The following DNAAF4 variants were observed in gnomAD, a reference collection of about 807,000 sequenced individuals.
DNAAF4 encodes dynein assembly factor 4, axonemal.
Under a neutral mutation model 51.8 loss-of-function variants are expected in DNAAF4, and 43 were observed. The observed-to-expected ratio is 0.83, with a 90% CI of 0.65 to 1.07. DNAAF4 has a LOEUF of 1.07. Ranked by LOEUF, DNAAF4 falls within the 50% of genes least tolerant of loss-of-function variation. DNAAF4 has a pLI of 0.00. For synonymous variants in DNAAF4, 194 were observed against 165.6 expected (o/e 1.17, Z -1.32); for missense variants, 581 against 493.0 (o/e 1.18, Z -1.69).
rs1013916616 is a variant in DNAAF4 at position 55,478,900 on chromosome 15, C to T, written c.406-11739G>A. ...AAAATTTTGGTCAAGCCCTGAGTAC[C>T]TTGAAATATCTTCAATGCAACCACC... is the stretch of plus-strand genomic sequence containing the variant. On this transcript the variant is annotated intron_variant, in intron 4 of 9. Coordinates refer to ENST00000321149, the MANE Select transcript of DNAAF4 (RefSeq NM_130810.4). 2.6e-5 allele frequency among the ~76,000 whole-genome samples: 4 copies of T among 152,196 alleles called. No homozygotes were observed. The East Asian group carries it at 7.7e-4, about 29-fold the overall frequency.
intron 4 of DNAAF4, among the ~76,000 whole-genome samples, chr15:55,487,904 T>A (rs1331200095): frequency 6.6e-6 from 1 of 152,206 alleles, no homozygotes; most frequent in Non-Finnish European, 1.5e-5. Context: ...TTTTCCAATC[T>A]TTAAATCTGG....
chr15:55,469,783 C>T (rs1471583709), intron 4 of DNAAF4, among the ~76,000 whole-genome samples: 4 of 151,888 alleles, frequency 2.6e-5, no homozygotes, highest in African/African-American at 9.7e-5. Context: ...AGCCACTGCG[C>T]CCGGCCTATG....
intron 7 of DNAAF4, among the ~76,000 whole-genome samples, chr15:55,423,878 C>T (rs1341037840): frequency 2.6e-5 from 4 of 152,070 alleles, no homozygotes; most frequent in South Asian, 2.1e-4. Context: ...CGCCAGAGGT[C>T]GGGAGTTTTG....
chr15:55,436,853 C>T (rs143975807), intron 7 of DNAAF4, among the ~76,000 whole-genome samples: 165 of 152,022 alleles, frequency 1.1e-3, no homozygotes, highest in African/African-American at 3.7e-3. Flanking sequence ...TGGAGTCTCA[C>T]TCTGTCGCCC....
chr15:55,450,907 G>A (rs1268878487), intron 5 of DNAAF4, among the ~76,000 whole-genome samples: 1 of 152,164 alleles, frequency 6.6e-6, no homozygotes, highest in African/African-American at 2.4e-5. Flanking sequence ...AGACCAGCCT[G>A]GCCAACATGA....
intron 9 of DNAAF4, among the ~76,000 whole-genome samples, chr15:55,431,024 C>T (rs531777054): frequency 6.7e-4 from 102 of 151,740 alleles, no homozygotes; most frequent in Non-Finnish European, 1.2e-3. Context: ...CACCATTCTT[C>T]TGCCTCAGCC....
Position 55,430,380 on chromosome 15 carries a change from C to G in DNAAF4, c.*290G>C. ...TCAGTAAGTGTCCTGGTAACTATAC[C>G]AAAACATATTTTGTTACAAGGGCAA... On this transcript the variant is annotated 3_prime_UTR_variant, in exon 10 of 10. Coordinates refer to ENST00000321149, the MANE Select transcript of DNAAF4 (RefSeq NM_130810.4). 3.0e-6 allele frequency: 3 copies of G among 994,482 alleles called. No homozygotes were observed. Among genetic ancestry groups the G allele is most frequent in the Non-Finnish European group, 3.6e-6 (3 of 834,724 alleles). 61.6% of individuals were successfully genotyped at this position (994,482 alleles called of 1,614,324 possible).
intron 1 of DNAAF4, among the ~76,000 whole-genome samples, chr15:55,505,550 A>ATG (rs1595965674): frequency 6.6e-6 from 1 of 152,324 alleles, no homozygotes; most frequent in African/African-American, 2.4e-5. Flanking sequence ...GATAAAGAAA[A>ATG]TGTGGCACAT....
intron 5 of DNAAF4, among the ~76,000 whole-genome samples, chr15:55,457,720 G>A (rs534429227): frequency 3.3e-5 from 5 of 152,252 alleles, no homozygotes; most frequent in South Asian, 2.1e-4. Context: ...ATCTGTCCAC[G>A]TGACAACTTC....
chr15:55,468,899 G>C (rs924679394), intron 4 of DNAAF4, among the ~76,000 whole-genome samples: 4 of 152,160 alleles, frequency 2.6e-5, no homozygotes, highest in Non-Finnish European at 4.4e-5. Flanking sequence ...TCAGAGAGTA[G>C]TGATGAAGAG....
rs372477096 is a variant in DNAAF4 at position 55,473,369 on chromosome 15, G to GTA, written c.406-6210_406-6209dup. Among the ~76,000 whole-genome samples the GTA allele has an allele frequency of 9.3e-3, 1,223 of 130,888 alleles. 36 individuals carry two copies. The highest frequency in any genetic ancestry group is 0.03 in the African/African-American group (994 of 32,836). 85.9% of individuals were successfully genotyped at this position (130,888 alleles called of 152,430 possible). On this transcript the variant is annotated intron_variant, in intron 4 of 9. Transcript: ENST00000321149. ...TATGTGTGTATATATATGTGTGTGT[G>GTA]TATATATATATATATGCAAACTTAA... is the stretch of plus-strand genomic sequence containing the variant.
intron 4 of DNAAF4, among the ~76,000 whole-genome samples, chr15:55,483,135 C>T (rs1386492317): frequency 1.3e-5 from 2 of 151,992 alleles, no homozygotes; most frequent in African/African-American, 2.4e-5. Flanking sequence ...TTTGCTCTGT[C>T]GCTTAGGCTG....
intron 1 of DNAAF4, among the ~76,000 whole-genome samples, chr15:55,502,736 A>AC (rs1436741616): frequency 1.3e-5 from 2 of 152,232 alleles, no homozygotes; most frequent in Non-Finnish European, 2.9e-5. Context: ...AAGAACAAAG[A>AC]CACAACGTAC....
intron 7 of DNAAF4, chr15:55,418,185 T>A (rs757887759): frequency 6.4e-7 from 1 of 1,561,468 alleles, no homozygotes; most frequent in African/African-American, 1.4e-5. Flanking sequence ...TTTTCAGAAC[T>A]TTATAATGGA....
intron 7 of DNAAF4, among the ~76,000 whole-genome samples, chr15:55,423,165 A>G (rs1595883896): frequency 5.0e-5 from 2 of 39,886 alleles, no homozygotes; most frequent in Non-Finnish European, 1.3e-4. Flanking sequence ...TGTAGAGCCA[A>G]AAGTTTTTTT....
chr15:55,473,237 A>ATATGTG, intron 4 of DNAAF4, among the ~76,000 whole-genome samples: 3 of 139,778 alleles, frequency 2.1e-5, no homozygotes, highest in African/African-American at 7.8e-5. Context: ...GTGTGTATAT[A>ATATGTG]TATATATGTG....
intron 1 of DNAAF4, among the ~76,000 whole-genome samples, chr15:55,503,842 G>A (rs140253838): frequency 0.011 from 1,661 of 152,244 alleles, 14 homozygotes; most frequent in Non-Finnish European, 0.014. Flanking sequence ...AAAACTGGAA[G>A]CATTCCCTTT....
At chr15:55,421,975 G>T (rs2141381625) in intron 7 of DNAAF4, among the ~76,000 whole-genome samples, 1 of 150,352 alleles carries the variant, frequency 6.7e-6, no homozygotes, top group South Asian at 2.1e-4. Flanking sequence ...GGCACTAGAA[G>T]CTAGTCCTAA....
intron 7 of DNAAF4, among the ~76,000 whole-genome samples, chr15:55,424,256 A>G (rs1259773275): frequency 6.6e-6 from 1 of 152,152 alleles, no homozygotes; most frequent in Non-Finnish European, 1.5e-5. Context: ...TTACTATGTG[A>G]TACATTCTGC....
Sources: allele counts gnomAD v4.1 joint callset (sites outside exome capture counted in the v4.1 genomes callset), GRCh38; gene constraint gnomAD v4.1.1; transcripts MANE v1.5; gene names NCBI Gene and HGNC (gene_info 2026-07-23, HGNC 2026-07-21).